Variants in NR3C1 observed in about 807,000 individuals in gnomAD.
NR3C1 encodes glucocorticoid receptor.
Under a neutral mutation model 74.0 loss-of-function variants are expected in NR3C1, and 14 were observed. The ratio of observed to expected loss-of-function variants is 0.19; its 90% CI spans 0.12 to 0.30. The LOEUF (loss-of-function observed/expected upper bound fraction) is 0.30, where lower values mean the gene tolerates loss of function less well. NR3C1 is among the 10% of genes least tolerant of loss of function. The pLI is 1.00. For missense variants in NR3C1, 695 were observed against 909.8 expected (o/e 0.76, Z 3.04); for synonymous variants, 308 against 332.5 (o/e 0.93, Z 0.80).
intron 7 of NR3C1, among the ~76,000 whole-genome samples, chr5:143,286,721 C>CAAAG (rs1176893679): frequency 2.0e-5 from 3 of 151,732 alleles, no homozygotes; most frequent in Non-Finnish European, 4.4e-5. Flanking sequence ...AGAAAATCAG[C>CAAAG]AAAGATACAG....
chr5:143,351,124 T>C (rs965147737), intron 2 of NR3C1, among the ~76,000 whole-genome samples: 6 of 152,334 alleles, frequency 3.9e-5, no homozygotes, highest in African/African-American at 1.4e-4. Flanking sequence ...TAATGACTCA[T>C]ATAACTGCCT....
chr5:143,296,030 G>A (rs186314827), intron 6 of NR3C1, among the ~76,000 whole-genome samples: 32 of 152,284 alleles, frequency 2.1e-4, no homozygotes, highest in South Asian at 4.1e-4. Context: ...GTGTGACACT[G>A]TTCACAGTTA....
intron 2 of NR3C1, among the ~76,000 whole-genome samples, chr5:143,343,045 G>A (rs1292562033): frequency 1.3e-5 from 2 of 152,170 alleles, no homozygotes; most frequent in Admixed American, 6.5e-5. Context: ...AGAAAACACT[G>A]TCCAACCAAG....
intron 2 of NR3C1, among the ~76,000 whole-genome samples, chr5:143,339,207 G>A (rs1218105608): frequency 6.6e-6 from 1 of 151,892 alleles, no homozygotes; most frequent in Non-Finnish European, 1.5e-5. Flanking sequence ...TATTTGTTTT[G>A]TTCATTCTCA....
chr5:143,296,451 G>C (rs1377746244), intron 6 of NR3C1, among the ~76,000 whole-genome samples: 1 of 152,042 alleles, frequency 6.6e-6, no homozygotes, highest in South Asian at 2.1e-4. Flanking sequence ...TGCTCTTACC[G>C]AAGAGGCACC....
chr5:143,435,501 C>CT, exon 1 of NR3C1: 1 of 985,420 alleles, frequency 1.0e-6, no homozygotes. Context: ...AAAGCAAACC[C>CT]TTACATAACC....
intron 2 of NR3C1, among the ~76,000 whole-genome samples, chr5:143,325,825 T>C (rs781224529): frequency 1.9e-4 from 29 of 152,110 alleles, no homozygotes; most frequent in Non-Finnish European, 3.8e-4. Flanking sequence ...AATGAAAACA[T>C]TGGTAACCTT....
intron 2 of NR3C1, among the ~76,000 whole-genome samples, chr5:143,318,179 T>C (rs1822569841): frequency 6.6e-6 from 1 of 152,164 alleles, no homozygotes; most frequent in Non-Finnish European, 1.5e-5. Context: ...TGGAGGATCT[T>C]AGGGAAAGAG....
chr5:143,325,367 G>A (rs1561570891), intron 2 of NR3C1, among the ~76,000 whole-genome samples: 1 of 152,198 alleles, frequency 6.6e-6, no homozygotes, highest in African/African-American at 2.4e-5. Context: ...CACGAGAATA[G>A]CAAGGGAAAG....
intron 2 of NR3C1, among the ~76,000 whole-genome samples, chr5:143,365,882 A>G (rs1266753422): frequency 1.6e-4 from 25 of 152,252 alleles, no homozygotes; most frequent in Non-Finnish European, 1.3e-4. Flanking sequence ...GTGGAAATCA[A>G]CAAGTTCCTA....
chr5:143,415,480 C>T (rs1841446949), intron 1 of NR3C1, among the ~76,000 whole-genome samples: 1 of 152,112 alleles, frequency 6.6e-6, no homozygotes, highest in Admixed American at 6.6e-5. Context: ...TGTATATTTT[C>T]AAATCCTTTT....
At chr5:143,387,601 C>G (rs1837477734) in intron 2 of NR3C1, among the ~76,000 whole-genome samples, 1 of 152,126 alleles carries the variant, frequency 6.6e-6, no homozygotes, top group Non-Finnish European at 1.5e-5. Flanking sequence ...AACATTAGAG[C>G]AGTTCATTCT....
At chr5:143,432,269 G>A (rs1335182121) in intron 1 of NR3C1, among the ~76,000 whole-genome samples, 2 of 152,218 alleles carry the variant, frequency 1.3e-5, no homozygotes, top group East Asian at 1.9e-4. Context: ...TATGTAATGC[G>A]CTAGGTTAAA....
At chr5:143,368,692 C>G (rs1163850057) in intron 2 of NR3C1, among the ~76,000 whole-genome samples, 1 of 152,104 alleles carries the variant, frequency 6.6e-6, no homozygotes, top group Non-Finnish European at 1.5e-5. Flanking sequence ...CATCGTTAGT[C>G]ATTTGGGAGA....
chr5:143,421,273 G>T (rs1600678460), intron 1 of NR3C1, among the ~76,000 whole-genome samples: 1 of 152,148 alleles, frequency 6.6e-6, no homozygotes, highest in East Asian at 1.9e-4. Context: ...ACAACAGGGG[G>T]CTCAGAAGGG....
chr5:143,308,209 C>T (rs748723969), intron 4 of NR3C1, among the ~76,000 whole-genome samples: 1 of 152,138 alleles, frequency 6.6e-6, no homozygotes, highest in Non-Finnish European at 1.5e-5. Flanking sequence ...ACCTGTAATA[C>T]CAGCACTTTG....
intron 1 of NR3C1, among the ~76,000 whole-genome samples, chr5:143,428,240 C>T (rs1332975859): frequency 6.6e-6 from 1 of 152,148 alleles, no homozygotes; most frequent in East Asian, 1.9e-4. Flanking sequence ...CCTGGTCTTT[C>T]CCTGAAAATG....
upstream of NR3C1, chr5:143,403,828 GC>G (rs1840820522): frequency 2.1e-6 from 2 of 968,172 alleles, no homozygotes; most frequent in African/African-American, 1.8e-5. Context: ...CGCGGTCCCT[GC>G]CCCCACGCCC....
chr5:143,339,367 G>A (rs752997444), intron 2 of NR3C1, among the ~76,000 whole-genome samples: 4 of 152,028 alleles, frequency 2.6e-5, no homozygotes, highest in Non-Finnish European at 5.9e-5. Flanking sequence ...CTCCTAAGCT[G>A]GTTCTCTAAT....
Sources: gnomAD v4.1 joint callset for allele counts (sites outside exome capture counted in the v4.1 genomes callset) on GRCh38, gnomAD v4.1.1 for gene constraint, MANE v1.5 for transcripts, NCBI Gene and HGNC (gene_info 2026-07-23, HGNC 2026-07-21) for gene names.